The following SMPD3 variants were observed in gnomAD, a reference collection of about 807,000 sequenced individuals.
SMPD3 encodes nSMase-2.
A neutral mutation model predicts 55.7 loss-of-function variants in SMPD3; 21 were observed. The observed-to-expected ratio is 0.38, with a 90% confidence interval of 0.27 to 0.54. The LOEUF (loss-of-function observed/expected upper bound fraction) is 0.54, where lower values mean the gene tolerates loss of function less well. SMPD3 is among the 20% of genes least tolerant of loss of function. SMPD3 has a pLI of 0.80. For synonymous variants in SMPD3, 457 were observed against 404.3 expected, an observed-to-expected ratio of 1.13 and a Z score of -1.56; for missense variants, 842 against 899.6, an observed-to-expected ratio of 0.94 and a Z score of 0.82.
At chr16:68,439,016 C>T (rs914818108) in intron 1 of SMPD3, among the ~76,000 whole-genome samples, 2 of 152,186 alleles carry the variant, frequency 1.3e-5, no homozygotes, top group African/African-American at 4.8e-5. Context: ...ATATGTATTG[C>T]TGAGCACAAT....
At chr16:68,379,907 C>T (rs889540780) in intron 2 of SMPD3, among the ~76,000 whole-genome samples, 16 of 152,202 alleles carry the variant, frequency 1.1e-4, no homozygotes, top group African/African-American at 3.9e-4. Flanking sequence ...AATCTCAAGC[C>T]AGGTGAGTGG....
At chr16:68,385,135 A>G (rs1180738124) in intron 2 of SMPD3, among the ~76,000 whole-genome samples, 1 of 152,158 alleles carries the variant, frequency 6.6e-6, no homozygotes, top group Non-Finnish European at 1.5e-5. Flanking sequence ...ATACTGCACA[A>G]CTACCCCAAA....
intron 1 of SMPD3, among the ~76,000 whole-genome samples, chr16:68,436,488 T>C (rs1018006231): frequency 1.3e-5 from 2 of 152,180 alleles, no homozygotes; most frequent in Admixed American, 1.3e-4. Context: ...ATCTCTGTCT[T>C]CCTTCTAGGA....
intron 5 of SMPD3, 61 bp from the exon 6 acceptor site, chr16:68,363,927 T>C (rs1036565413): frequency 6.3e-6 from 9 of 1,431,894 alleles, no homozygotes; most frequent in Non-Finnish European, 8.6e-6. Context: ...ACACGGCCTG[T>C]GCCCCTGCTT....
At position 68,371,435 on chromosome 16, in the gene SMPD3, G is replaced by A. The variant is rs747737711; in HGVS notation, c.747C>T (p.Gly249=). 20 of 1,577,764 alleles carry A rather than the reference G, an allele frequency of 1.3e-5. No homozygotes were observed. The highest frequency in any genetic ancestry group is 2.2e-5 in the East Asian group (1 of 44,662). The change falls in exon 3 of 9, where the codon GGC becomes GGT. Residue 249 remains glycine (G), a synonymous_variant. Coordinates refer to ENST00000219334, the MANE Select transcript of SMPD3 (RefSeq NM_018667.4). ...CTTCAGGTGGCCGGCCGCCCTCCTCGCCACCGATGCGCACGATGCAGGCAT... is the reference window on the plus strand; with the variant it reads ...CTTCAGGTGGCCGGCCGCCCTCCTCACCACCGATGCGCACGATGCAGGCAT... ...PEDACIVRIG[G]EEGGRPPEAD... is the part of the protein sequence containing the mutation.
intron 3 of SMPD3, chr16:68,367,873 A>G (rs573851170): frequency 3.9e-5 from 6 of 152,396 alleles, no homozygotes; most frequent in African/African-American, 1.4e-4. Flanking sequence ...TGTCCAGAAT[A>G]AGGCTCTATT....
chr16:68,436,742 A>G (rs2090525682), intron 1 of SMPD3, among the ~76,000 whole-genome samples: 1 of 152,242 alleles, frequency 6.6e-6, no homozygotes, highest in Non-Finnish European at 1.5e-5. Flanking sequence ...GGACGGACAC[A>G]TGGCTGCTTG....
intron 1 of SMPD3, among the ~76,000 whole-genome samples, chr16:68,414,350 G>A (rs1316950874): frequency 6.6e-6 from 1 of 152,220 alleles, no homozygotes; most frequent in Admixed American, 6.5e-5. Context: ...AGTATCTTTC[G>A]GAATGTAAGA....
chr16:68,403,500 GA>G (rs1382906741), intron 1 of SMPD3, among the ~76,000 whole-genome samples: 2 of 152,212 alleles, frequency 1.3e-5, no homozygotes, highest in Non-Finnish European at 1.5e-5. Flanking sequence ...AGTCCTGGAA[GA>G]AGGCTACTTC....
chr16:68,374,309 G>C (rs557051933), intron 2 of SMPD3, among the ~76,000 whole-genome samples: 2 of 152,374 alleles, frequency 1.3e-5, no homozygotes, highest in Admixed American at 6.5e-5. Flanking sequence ...CCAGGGCTTA[G>C]CGTCTAAAGG....
chr16:68,415,015 T>C (rs1455165618), intron 1 of SMPD3, among the ~76,000 whole-genome samples: 1 of 152,086 alleles, frequency 6.6e-6, no homozygotes, highest in African/African-American at 2.4e-5. Context: ...TGCTGTGGGT[T>C]TGGGCATCTA....
intron 3 of SMPD3, among the ~76,000 whole-genome samples, chr16:68,366,247 G>A (rs147953977): frequency 1.6e-3 from 241 of 152,314 alleles, no homozygotes; most frequent in African/African-American, 5.2e-3. Flanking sequence ...CAACAGCCTC[G>A]GCAGGCTCCG....
intron 1 of SMPD3, among the ~76,000 whole-genome samples, chr16:68,405,545 CAAAAAAAAA>C (rs67518521): frequency 1.4e-5 from 1 of 73,006 alleles, no homozygotes; most frequent in East Asian, 3.5e-4. Context: ...GACCCTGTCT[CAAAAAAAAA>C]AAAAAAAAAA....
chr16:68,379,163 G>A (rs1293885403), intron 2 of SMPD3, among the ~76,000 whole-genome samples: 1 of 152,224 alleles, frequency 6.6e-6, no homozygotes, highest in East Asian at 1.9e-4. Flanking sequence ...GTCCCACTGG[G>A]AAAAGTGGAG....
At chr16:68,374,474 T>C (rs2089758083) in intron 2 of SMPD3, among the ~76,000 whole-genome samples, 1 of 152,134 alleles carries the variant, frequency 6.6e-6, no homozygotes, top group African/African-American at 2.4e-5. Flanking sequence ...CCTGGAGCCA[T>C]GGGAAAGCAG....
chr16:68,377,436 C>T (rs1043665305), intron 2 of SMPD3, among the ~76,000 whole-genome samples: 3 of 152,200 alleles, frequency 2.0e-5, no homozygotes, highest in Non-Finnish European at 4.4e-5. Context: ...GCTGCTCCTG[C>T]GAGTGACTGA....
chr16:68,406,671 C>T (rs550143516), intron 1 of SMPD3, among the ~76,000 whole-genome samples: 24 of 152,366 alleles, frequency 1.6e-4, no homozygotes, highest in African/African-American at 5.5e-4. Flanking sequence ...CGATGTGGTT[C>T]AGAGTTTTCA....
chr16:68,435,947 C>T (rs115654906), intron 1 of SMPD3, among the ~76,000 whole-genome samples: 192 of 152,346 alleles, frequency 1.3e-3, no homozygotes, highest in African/African-American at 4.0e-3. Flanking sequence ...CCAAGTTCCT[C>T]TGGAACCAGA....
chr16:68,361,209 T>C lies in SMPD3; in HGVS notation c.1965A>G (p.Ala655=), dbSNP rs1166588940. Residue 655 remains alanine (A), a synonymous_variant, in exon 9 of 9, where the codon GCA becomes GCG. Transcript: ENST00000219334. ...RLMVSSGEEE[A] ...AGGCCCCGCTGCTCCGGACGGTCTA[T>C]GCCTCCTCCTCCCCCGAAGACACCA... The C allele has an allele frequency of 4.3e-6, 7 of 1,613,412 alleles. No homozygotes were observed. The Admixed American group carries it at 1.0e-4, about 23-fold the overall frequency.
Sources: gnomAD v4.1 joint callset for allele counts (sites outside exome capture counted in the v4.1 genomes callset) on GRCh38, gnomAD v4.1.1 for gene constraint, MANE v1.5 for transcripts, NCBI Gene and HGNC (gene_info 2026-07-23, HGNC 2026-07-21) for gene names.